Variants in SPSB1 observed in about 807,000 individuals in gnomAD.
SPSB1 encodes the protein SPRY domain-containing SOCS box protein 1.
Under a neutral mutation model 21.2 loss-of-function variants are expected in SPSB1, and 8 were observed. That is an observed-to-expected ratio of 0.38 (90% CI 0.22 to 0.68). The LOEUF (loss-of-function observed/expected upper bound fraction) is 0.68. Among genes scored for constraint, SPSB1 ranks in the 30% least tolerant of loss-of-function variants. The pLI is 0.53. For synonymous variants in SPSB1, 169 were observed against 161.7 expected, an observed-to-expected ratio of 1.05 and a Z score of -0.34; for missense variants, 242 against 377.8, an observed-to-expected ratio of 0.64 and a Z score of 2.98.
At position 9,363,984 on chromosome 1, in the gene SPSB1, G is replaced by C. The variant is rs929951059; in HGVS notation, c.695-3464G>C. Among the ~76,000 whole-genome samples the C allele has an allele frequency of 9.9e-5, 15 of 152,218 alleles. No individual in the cohort carries two copies. Among genetic ancestry groups the C allele is most frequent in the African/African-American group, 3.6e-4 (15 of 41,462 alleles). ...CAAAGTGCTGGGATTACAGGCATAA[G>C]CCACCGCGTCCAGCCTAGAAACATT... is the stretch of plus-strand genomic sequence containing the variant. On this transcript the variant is annotated intron_variant, in intron 2 of 2. Coordinates refer to ENST00000328089, the MANE Select transcript of SPSB1 (RefSeq NM_025106.4). This position sits in a 1 kb window ranked among gnomAD's most constrained non-coding sequence, Gnocchi z 4.5.
intron 1 of SPSB1, among the ~76,000 whole-genome samples, chr1:9,322,498 G>A (rs1456577204): frequency 6.6e-6 from 1 of 152,224 alleles, no homozygotes; most frequent in African/African-American, 2.4e-5. Flanking sequence ...CTTGGCCAGA[G>A]GCATTTAAAG....
At chr1:9,300,300 C>A (rs57478549) in intron 1 of SPSB1, among the ~76,000 whole-genome samples, 13,114 of 152,204 alleles carry the variant, frequency 0.086, 712 homozygotes, top group African/African-American at 0.14. Flanking sequence ...GTGTGTTACT[C>A]CAGCCCATTT....
chr1:9,341,498 T>C (rs74051630), intron 1 of SPSB1, among the ~76,000 whole-genome samples: 2,073 of 152,348 alleles, frequency 0.014, 14 homozygotes, highest in South Asian at 0.039. Context: ...ATTCCAGCCC[T>C]GAGGCACATT....
chr1:9,316,876 C>T (rs72858170), intron 1 of SPSB1, among the ~76,000 whole-genome samples: 12,589 of 152,182 alleles, frequency 0.083, 1,520 homozygotes, highest in African/African-American at 0.27. Context: ...CTCTCTGAGC[C>T]TCAGTTTCCA....
chr1:9,332,211 G>A (rs1207793354), intron 1 of SPSB1, among the ~76,000 whole-genome samples: 3 of 151,694 alleles, frequency 2.0e-5, no homozygotes, highest in Non-Finnish European at 4.4e-5. Flanking sequence ...AAATCTCAAT[G>A]AGAGCGTTTT....
chr1:9,332,028 C>T (rs1382259471), intron 1 of SPSB1, among the ~76,000 whole-genome samples: 1 of 152,116 alleles, frequency 6.6e-6, no homozygotes, highest in East Asian at 1.9e-4. Flanking sequence ...CTCTTTTGTA[C>T]GTGTTTGAAT....
At chr1:9,344,962 A>C (rs570775498) in intron 1 of SPSB1, among the ~76,000 whole-genome samples, 2 of 152,282 alleles carry the variant, frequency 1.3e-5, no homozygotes, top group East Asian at 3.9e-4. Context: ...GCTCCCATTC[A>C]GGCCTTGGCA....
rs1049945428 is a variant in SPSB1, at chr1:9,363,481, A to G, written c.695-3967A>G. On this transcript the variant is annotated intron_variant, in intron 2 of 2. Coordinates refer to ENST00000328089, the MANE Select transcript of SPSB1 (RefSeq NM_025106.4). The surrounding 1 kb of genome is among the most constrained non-coding windows in gnomAD (Gnocchi z 4.5). ...ACAGGGGATGGATTGTGGCAGCTGG[A>G]GGGCCTCATCCCTTTGGAGTCCATG... 9.2e-5 allele frequency among the ~76,000 whole-genome samples: 14 copies of G among 152,072 alleles called. No homozygotes were observed. Among genetic ancestry groups the G allele is most frequent in the African/African-American group, 3.4e-4 (14 of 41,408 alleles).
chr1:9,341,030 G>A (rs551844578), intron 1 of SPSB1, among the ~76,000 whole-genome samples: 2 of 152,252 alleles, frequency 1.3e-5, no homozygotes, highest in South Asian at 2.1e-4. Context: ...CTTCCTCCTC[G>A]GGCCCTGATT....
chr1:9,356,768 T>C lies in SPSB1; in HGVS notation c.694+183T>C, dbSNP rs975043787. Among the ~76,000 whole-genome samples, 1 of 152,236 alleles carries C rather than the reference T, an allele frequency of 6.6e-6. No homozygotes were observed. Among genetic ancestry groups the C allele is most frequent in the Non-Finnish European group, 1.5e-5 (1 of 68,034 alleles). On this transcript the variant is annotated intron_variant, in intron 2 of 2. Coordinates refer to ENST00000328089, the MANE Select transcript of SPSB1 (RefSeq NM_025106.4). The surrounding 1 kb of genome is among the most constrained non-coding windows in gnomAD (Gnocchi z 7.4). ...GTGAGGAATTCTACCCAGAGTCAGC[T>C]AGATTACCTAACGGTGCCTCATGAA...
At chr1:9,302,837 C>T (rs1010477014) in intron 1 of SPSB1, among the ~76,000 whole-genome samples, 11 of 152,158 alleles carry the variant, frequency 7.2e-5, no homozygotes, top group Admixed American at 3.9e-4. Flanking sequence ...CCAGGATTCA[C>T]GGGTCCAGGA....
chr1:9,355,490 T>C (rs1309572333), intron 1 of SPSB1, among the ~76,000 whole-genome samples: 1 of 152,192 alleles, frequency 6.6e-6, no homozygotes, highest in African/African-American at 2.4e-5. Flanking sequence ...CAGATGAGGG[T>C]GATGCCCATC....
intron 1 of SPSB1, among the ~76,000 whole-genome samples, chr1:9,303,535 T>C (rs1045429962): frequency 2.0e-5 from 3 of 152,256 alleles, no homozygotes; most frequent in Non-Finnish European, 4.4e-5. Context: ...CCTCTCTTAC[T>C]CCTTATTCTT....
intron 1 of SPSB1, among the ~76,000 whole-genome samples, chr1:9,352,291 C>T (rs112154300): frequency 0.024 from 3,730 of 152,268 alleles, 91 homozygotes; most frequent in Non-Finnish European, 0.036. Context: ...CTTTCTGGGA[C>T]GGGGCTGGCC....
intron 1 of SPSB1, among the ~76,000 whole-genome samples, chr1:9,341,851 C>T (rs1171509811): frequency 2.0e-5 from 3 of 152,204 alleles, no homozygotes; most frequent in Non-Finnish European, 4.4e-5. Flanking sequence ...TACAGGCATG[C>T]ACCACCACGC....
At chr1:9,315,840 G>T (rs995202463) in intron 1 of SPSB1, among the ~76,000 whole-genome samples, 1 of 152,214 alleles carries the variant, frequency 6.6e-6, no homozygotes, top group Non-Finnish European at 1.5e-5. Flanking sequence ...CAGTAACTAT[G>T]TGGGTGGATT....
At chr1:9,347,055 C>A (rs1218311509) in intron 1 of SPSB1, among the ~76,000 whole-genome samples, 1 of 152,214 alleles carries the variant, frequency 6.6e-6, no homozygotes, top group Non-Finnish European at 1.5e-5. Flanking sequence ...TGGTGGCTCA[C>A]ACCTGTTATC....
At chr1:9,314,284 G>C (rs1053664381) in intron 1 of SPSB1, among the ~76,000 whole-genome samples, 2 of 151,606 alleles carry the variant, frequency 1.3e-5, no homozygotes, top group African/African-American at 2.4e-5. Flanking sequence ...GAGTAGATCT[G>C]GCCATGCCCC....
chr1:9,366,973 G>A lies in SPSB1; in HGVS notation c.695-475G>A, dbSNP rs140073340. Among the ~76,000 whole-genome samples, 511 of 152,352 alleles carry A rather than the reference G, an allele frequency of 3.4e-3. 2 individuals carry two copies. Among genetic ancestry groups the A allele is most frequent in the African/African-American group, 0.012 (486 of 41,578 alleles). On this transcript the variant is annotated intron_variant, in intron 2 of 2. Transcript: ENST00000328089. The stretch of plus-strand genomic sequence containing the variant: ...AGCTAGTGCTGGGGGTGCGTGCCAG[G>A]AAGAGCTGGCTCCCATGTGTTCCGA...
Sources: allele counts gnomAD v4.1 joint callset (sites outside exome capture counted in the v4.1 genomes callset), GRCh38; gene constraint gnomAD v4.1.1; non-coding constraint Gnocchi (gnomAD v3.1); transcripts MANE v1.5; gene names NCBI Gene and HGNC (gene_info 2026-07-23, HGNC 2026-07-21).